The following CDKN2A variants were observed in gnomAD, a reference collection of about 807,000 sequenced individuals.
The protein encoded by CDKN2A is cyclin-dependent kinase inhibitor 2A.
A neutral mutation model predicts 11.1 loss-of-function variants in CDKN2A; 3 were observed. The observed-to-expected ratio is 0.27, with a 90% CI of 0.12 to 0.70. The LOEUF is 0.70. Among genes scored for constraint, CDKN2A ranks in the 30% least tolerant of loss-of-function variants. The pLI, the probability that CDKN2A is intolerant of heterozygous loss-of-function variation, is 0.77. For missense variants in CDKN2A, 265 were observed against 233.6 expected, an observed-to-expected ratio of 1.13 and a Z score of -0.88; for synonymous variants, 122 against 108.1, an observed-to-expected ratio of 1.13 and a Z score of -0.80.
chr9:21,971,451 G>A (rs1359211858), intron 1 of CDKN2A: 1 of 1,251,244 alleles, frequency 8.0e-7, no homozygotes, highest in Non-Finnish European at 1.1e-6. Context: ...AGAGAGCACT[G>A]TGAGGCACGG....
chr9:21,979,686 G>A (rs572925232), upstream of CDKN2A, among the ~76,000 whole-genome samples: 7 of 152,260 alleles, frequency 4.6e-5, no homozygotes, highest in African/African-American at 1.7e-4. Context: ...CGGTTAGGAA[G>A]TTTGAGAATC....
chr9:21,971,574 G>GTTTTTTTTTTTTTTTTTTTTT, intron 1 of CDKN2A, among the ~76,000 whole-genome samples: 1 of 54,084 alleles, frequency 1.8e-5, no homozygotes, highest in Admixed American at 2.4e-4. Flanking sequence ...TAGGCCTGGA[G>GTTTTTTTTTTTTTTTTTTTTT]ATTTTTTTTT....
intron 1 of CDKN2A, among the ~76,000 whole-genome samples, chr9:21,973,017 C>G (rs1320964616): frequency 1.3e-5 from 2 of 152,016 alleles, no homozygotes; most frequent in African/African-American, 4.8e-5. Context: ...ACTCAGTTTT[C>G]AAAGAGACAA....
rs149937815 is a variant in CDKN2A, at chr9:21,970,943, C to T, written c.416G>A (p.Gly139Asp). ...GGCATCTATGCGGGCATGGTTACTG[C>T]CTCTGGTGCCCCCCGCAGCCGCGCG... ...YLRAAAGGTR[G>D]SNHARIDAAE... is the part of the protein sequence containing the mutation. The change falls in exon 2 of 3, where the codon GGC (glycine) becomes GAC (aspartate). Residue 139 changes from glycine (G) to aspartate (D), a missense_variant. By Grantham distance (94) the Gly-to-Asp change is moderately conservative. Transcript: ENST00000304494. The T allele has an allele frequency of 5.6e-6, 9 of 1,612,280 alleles. No homozygotes were observed. In the East Asian group the frequency reaches 1.8e-4, roughly 32 times the overall value.
At chr9:21,971,574 G>A (rs189146471) in intron 1 of CDKN2A, among the ~76,000 whole-genome samples, 2 of 54,086 alleles carry the variant, frequency 3.7e-5, no homozygotes, top group Non-Finnish European at 6.0e-5. Context: ...TAGGCCTGGA[G>A]ATTTTTTTTT....
At chr9:21,994,262 C>G (rs1406669428) in intron 1 of CDKN2A, 1 of 1,605,778 alleles carries the variant, frequency 6.2e-7, no homozygotes, top group Non-Finnish European at 8.5e-7. Flanking sequence ...ATGTGAACCA[C>G]GAAAACCCTC....
At position 21,974,031 on chromosome 9, in the gene CDKN2A, C is replaced by T. The variant is rs1232737896; in HGVS notation, c.150+647G>A. Among the ~76,000 whole-genome samples the T allele has an allele frequency of 1.3e-5, 2 of 152,112 alleles. No homozygotes were observed. Among genetic ancestry groups the T allele is most frequent in the Admixed American group, 1.3e-4 (2 of 15,270 alleles). On this transcript the variant is annotated intron_variant, in intron 1 of 2. Transcript: ENST00000304494. This position sits in a 1 kb window ranked among gnomAD's most constrained non-coding sequence, Gnocchi z 5.2. ...TCAACCTCCCGAGTAGCTGGGATTA[C>T]AGGCGCCTGCCACCACCCCCGGCTA...
chr9:21,989,358 T>A (rs1350039172), intron 2 of CDKN2A: 1 of 152,124 alleles, frequency 6.6e-6, no homozygotes, highest in Non-Finnish European at 1.5e-5. Context: ...GCTACTTACT[T>A]TTTTTTATTC....
rs1019417082 is a variant in CDKN2A, at chr9:21,968,477, G to A, written c.458-235C>T. On this transcript the variant is annotated intron_variant, in intron 2 of 2. Coordinates refer to ENST00000304494, the MANE Select transcript of CDKN2A (RefSeq NM_000077.5). This position sits in a 1 kb window ranked among gnomAD's most constrained non-coding sequence, Gnocchi z 4.7. ...GCGCGCCGACCGCTCAAGCGCTCCA[G>A]GTCCACCCGGCGGAGGGCAGAGAAA... 4.1e-6 allele frequency: 6 copies of A among 1,466,628 alleles called. No homozygotes were observed. Among genetic ancestry groups the A allele is most frequent in the Non-Finnish European group, 5.4e-6 (6 of 1,115,598 alleles). The allele number at this position is 1,466,628 out of a possible 1,614,324, so 90.9% of individuals were successfully genotyped here.
upstream of CDKN2A, among the ~76,000 whole-genome samples, chr9:21,979,148 T>A (rs1820113675): frequency 6.6e-6 from 1 of 152,210 alleles, no homozygotes; most frequent in Admixed American, 6.5e-5. Context: ...GAGAAAGATA[T>A]TCTAGGCAGA....
At chr9:21,972,315 T>A (rs1415217753) in intron 1 of CDKN2A, among the ~76,000 whole-genome samples, 1 of 152,200 alleles carries the variant, frequency 6.6e-6, no homozygotes, top group Non-Finnish European at 1.5e-5. Context: ...AAAAGAGGCT[T>A]TGCAGATGTG....
intron 1 of CDKN2A, chr9:21,971,476 G>T: frequency 1.2e-6 from 1 of 846,632 alleles, no homozygotes; most frequent in Non-Finnish European, 1.7e-6. Flanking sequence ...AATAGCAAAG[G>T]GGCAGGGACA....
chr9:21,981,037 C>A (rs1256190408), intron 2 of CDKN2A, among the ~76,000 whole-genome samples: 1 of 55,378 alleles, frequency 1.8e-5, no homozygotes, highest in Non-Finnish European at 3.4e-5. Flanking sequence ...TATATATATA[C>A]GTGTATATAT....
At chr9:21,992,600 T>G (rs538562567) in intron 2 of CDKN2A, 3 of 294,288 alleles carry the variant, frequency 1.0e-5, no homozygotes, top group Admixed American at 6.5e-5. Flanking sequence ...CACAATGTTA[T>G]GTTTTATAGG....
intron 2 of CDKN2A, among the ~76,000 whole-genome samples, chr9:21,981,001 T>TAC (rs1554657833): frequency 0.055 from 235 of 4,274 alleles, 77 homozygotes; most frequent in African/African-American, 0.21. Flanking sequence ...TATATATATA[T>TAC]ACGTGTATAT....
chr9:21,969,796 G>A (rs892472919), intron 2 of CDKN2A: 7 of 398,064 alleles, frequency 1.8e-5, no homozygotes, highest in Non-Finnish European at 2.7e-5. Context: ...AGCTGTAACT[G>A]GAGGGAATTG....
At position 21,968,919 on chromosome 9, in the gene CDKN2A, G is replaced by A. The variant is rs1332849266; in HGVS notation, c.458-677C>T. ...TCTCAAGATTATTTTATTCCTGAGGGAGCATTTGCACTTGAAAGTCTCTTT... is the reference window on the plus strand; with the variant it reads ...TCTCAAGATTATTTTATTCCTGAGGAAGCATTTGCACTTGAAAGTCTCTTT... On this transcript the variant is annotated intron_variant, in intron 2 of 2. Coordinates refer to ENST00000304494, the MANE Select transcript of CDKN2A (RefSeq NM_000077.5). The surrounding 1 kb of genome is among the most constrained non-coding windows in gnomAD (Gnocchi z 4.7). 3 of 796,620 alleles carry A rather than the reference G, an allele frequency of 3.8e-6. No individual in the cohort carries two copies. In the East Asian group the frequency reaches 8.1e-5, roughly 21 times the overall value. The allele number at this position is 796,620 out of a possible 1,614,324, so 49.3% of individuals were successfully genotyped here. A position where few individuals can be genotyped will look rare whatever the true frequency, so the allele number is the denominator to read the frequency against.
At chr9:21,976,655 T>G (rs540342307), upstream of CDKN2A, among the ~76,000 whole-genome samples, 9 of 151,382 alleles carry the variant, frequency 5.9e-5, no homozygotes, top group African/African-American at 2.2e-4. Context: ...AAGGCGGAGG[T>G]TGCAGTGAGC....
At chr9:21,971,952 T>C (rs989553434) in intron 1 of CDKN2A, among the ~76,000 whole-genome samples, 1 of 152,096 alleles carries the variant, frequency 6.6e-6, no homozygotes, top group Non-Finnish European at 1.5e-5. Context: ...AAAAAAACAA[T>C]CAAACTTATT....
Sources: gnomAD v4.1 joint callset for allele counts (sites outside exome capture counted in the v4.1 genomes callset) on GRCh38, gnomAD v4.1.1 for gene constraint, Gnocchi (gnomAD v3.1) non-coding constraint, MANE v1.5 for transcripts, NCBI Gene and HGNC (gene_info 2026-07-23, HGNC 2026-07-21) for gene names.